Variants in GABBR2 observed in about 807,000 individuals in gnomAD.
GABBR2 encodes the protein G-protein coupled receptor 51.
GABBR2 carries 23 observed loss-of-function variants against 105.6 expected under a neutral mutation model. The ratio of observed to expected loss-of-function variants is 0.22; its 90% CI spans 0.16 to 0.31. The LOEUF (loss-of-function observed/expected upper bound fraction) is 0.31. Among genes scored for constraint, GABBR2 ranks in the 10% least tolerant of loss-of-function variants. GABBR2 has a pLI of 1.00. For missense variants in GABBR2, 734 were observed against 1,245.5 expected, an observed-to-expected ratio of 0.59 and a Z score of 6.18; for synonymous variants, 478 against 499.7, an observed-to-expected ratio of 0.96 and a Z score of 0.58.
intron 1 of GABBR2, among the ~76,000 whole-genome samples, chr9:98,640,230 G>A (rs530684335): frequency 2.6e-5 from 4 of 151,652 alleles, no homozygotes; most frequent in Middle Eastern, 3.4e-3. Context: ...TTTTGGATCT[G>A]CTGTACCTAT....
In GABBR2 at chr9:98,340,051, C is replaced by T. The variant is rs189847609; in HGVS notation, c.1893+22664G>A. Among the ~76,000 whole-genome samples the T allele has an allele frequency of 8.5e-4, 129 of 151,448 alleles. 1 individual carries two copies. The highest frequency in any genetic ancestry group is 1.7e-3 in the African/African-American group (69 of 41,270). ...AGCTCAAAGCTGGCACACACTTTGC[C>T]GCACACTCTTTCCCTTTGCCACCAG... On this transcript the variant is annotated intron_variant, in intron 13 of 18. Transcript: ENST00000259455.
At chr9:98,627,592 G>C (rs1371523085) in intron 1 of GABBR2, among the ~76,000 whole-genome samples, 1 of 152,224 alleles carries the variant, frequency 6.6e-6, no homozygotes, top group African/African-American at 2.4e-5. Flanking sequence ...ACAGAGAAAG[G>C]CTATGTTGTG....
intron 5 of GABBR2, among the ~76,000 whole-genome samples, chr9:98,473,654 T>C (rs1364107532): frequency 1.3e-5 from 2 of 152,232 alleles, no homozygotes; most frequent in African/African-American, 4.8e-5. Context: ...TATTCATCAT[T>C]AGCTGCAAAT....
chr9:98,454,133 T>C lies in GABBR2; in HGVS notation c.1084A>G (p.Ile362Val). 5 of 1,614,150 alleles carry C rather than the reference T, an allele frequency of 3.1e-6. No individual in the cohort carries two copies. The highest frequency in any genetic ancestry group is 2.5e-6 in the Non-Finnish European group (3 of 1,179,952). Reference protein sequence around the residue: ...SKFHGYAYDGIWVIAKTLQRA... With the variant: ...SKFHGYAYDGVWVIAKTLQRA... The stretch of plus-strand genomic sequence containing the variant: ...TGCAGTGTCTTGGCGATGACCCAGA[T>C]GCCATCGTAGGCGTACCCGTGGAAC... Residue 362 changes from isoleucine (I) to valine (V), a missense_variant, in exon 7 of 19, where the codon ATC becomes GTC. Around this residue, in one of 7 missense-constraint regions of GABBR2, gnomAD observed 370 missense variants for 648.9 expected, o/e 0.57. Transcript: ENST00000259455. This position sits in a 1 kb window ranked among gnomAD's most constrained non-coding sequence, Gnocchi z 4.6.
At chr9:98,368,459 C>A (rs1336734303) in intron 12 of GABBR2, among the ~76,000 whole-genome samples, 2 of 152,112 alleles carry the variant, frequency 1.3e-5, no homozygotes, top group Non-Finnish European at 2.9e-5. Flanking sequence ...TTGGCGGGGA[C>A]CGAGTTTCCC....
chr9:98,546,220 T>C (rs1482572550), intron 2 of GABBR2, among the ~76,000 whole-genome samples: 1 of 152,246 alleles, frequency 6.6e-6, no homozygotes, highest in South Asian at 2.1e-4. Flanking sequence ...TAGAATTCTT[T>C]ATTAGACTAC....
chr9:98,666,429 T>G (rs1227015091), intron 1 of GABBR2, among the ~76,000 whole-genome samples: 1 of 152,220 alleles, frequency 6.6e-6, no homozygotes, highest in Non-Finnish European at 1.5e-5. Context: ...TCTAGAGACA[T>G]TGCCCCCAAA....
intron 1 of GABBR2, among the ~76,000 whole-genome samples, chr9:98,658,180 G>T (rs904106878): frequency 1.1e-4 from 16 of 152,130 alleles, no homozygotes; most frequent in African/African-American, 3.9e-4. Flanking sequence ...AAGGAAGTTG[G>T]GATCCAAACA....
At chr9:98,554,491 A>G (rs959812698) in intron 2 of GABBR2, among the ~76,000 whole-genome samples, 5 of 152,236 alleles carry the variant, frequency 3.3e-5, no homozygotes, top group Non-Finnish European at 7.3e-5. Context: ...TGAAACAAAA[A>G]TCGTACGTAT....
chr9:98,598,544 G>A (rs1829272160), intron 1 of GABBR2, among the ~76,000 whole-genome samples: 1 of 147,204 alleles, frequency 6.8e-6, no homozygotes, highest in African/African-American at 2.5e-5. Context: ...TTTAATTACT[G>A]TTTACTGAAA....
intron 3 of GABBR2, among the ~76,000 whole-genome samples, chr9:98,500,818 C>T (rs550828982): frequency 1.3e-5 from 2 of 152,258 alleles, no homozygotes; most frequent in South Asian, 2.1e-4. Context: ...GTGGCCCCTG[C>T]ACCAGTAACA....
At chr9:98,684,804 C>T (rs903231409) in intron 1 of GABBR2, among the ~76,000 whole-genome samples, 3 of 152,154 alleles carry the variant, frequency 2.0e-5, no homozygotes, top group East Asian at 1.9e-4. Flanking sequence ...ATCTGTATTT[C>T]GTCAGCGCAA....
chr9:98,317,290 C>A (rs1227364155), intron 13 of GABBR2, among the ~76,000 whole-genome samples: 1 of 152,214 alleles, frequency 6.6e-6, no homozygotes, highest in Non-Finnish European at 1.5e-5. Context: ...AGGAGGCACG[C>A]AGAAGCTGCC....
chr9:98,655,642 A>G (rs977387211), intron 1 of GABBR2, among the ~76,000 whole-genome samples: 17 of 152,332 alleles, frequency 1.1e-4, no homozygotes, highest in African/African-American at 3.6e-4. Context: ...CACACCATGG[A>G]ATACTATGCA....
At chr9:98,490,255 A>G (rs181995243) in intron 4 of GABBR2, among the ~76,000 whole-genome samples, 3 of 141,242 alleles carry the variant, frequency 2.1e-5, no homozygotes, top group African/African-American at 9.4e-5. Flanking sequence ...TTACTACAAT[A>G]AAAAAAAAGG....
intron 3 of GABBR2, among the ~76,000 whole-genome samples, chr9:98,535,382 T>C: frequency 6.6e-6 from 1 of 151,812 alleles, no homozygotes; most frequent in East Asian, 1.9e-4. Context: ...ATTACAGGCA[T>C]GAGCCACCAC....
At chr9:98,597,982 C>T (rs138289554) in intron 1 of GABBR2, among the ~76,000 whole-genome samples, 3 of 152,058 alleles carry the variant, frequency 2.0e-5, no homozygotes, top group East Asian at 3.9e-4. Context: ...CCACCACCTC[C>T]GGCTAATTTT....
chr9:98,594,114 G>A (rs533434857), intron 1 of GABBR2, among the ~76,000 whole-genome samples: 100 of 152,282 alleles, frequency 6.6e-4, no homozygotes, highest in Non-Finnish European at 1.0e-3. Flanking sequence ...GCACAGTGTC[G>A]CCCACACTTG....
chr9:98,299,321 C>T lies in GABBR2; in HGVS notation c.2445G>A (p.Gln815=). The T allele has an allele frequency of 6.2e-7, 1 of 1,613,806 alleles. No individual in the cohort carries two copies. The highest frequency in any genetic ancestry group is 8.5e-7 in the Non-Finnish European group (1 of 1,179,724). The change falls in exon 17 of 19, where the codon CAG becomes CAA. Residue 815 remains glutamine, a synonymous_variant. Coordinates refer to ENST00000259455, the MANE Select transcript of GABBR2 (RefSeq NM_005458.8). ...LDKDLEEVTM[Q]LQDTPEKTTY... ...TGGTCTTTTCTGGTGTGTCCTGCAG[C>T]TGCATGGTGACCTCTTCCAAGTCTT...
Sources: allele counts gnomAD v4.1 joint callset (sites outside exome capture counted in the v4.1 genomes callset), GRCh38; gene constraint gnomAD v4.1.1; regional missense constraint gnomAD v4.1.1; non-coding constraint Gnocchi (gnomAD v3.1); transcripts MANE v1.5; gene names NCBI Gene and HGNC (gene_info 2026-07-23, HGNC 2026-07-21).